The following KDM6B variants were observed in gnomAD, a reference collection of about 807,000 sequenced individuals.
The protein encoded by KDM6B is lysine demethylase 6B.
In KDM6B, 22 loss-of-function variants were observed where a neutral mutation model predicts 150.4. That is an observed-to-expected ratio of 0.15 (90% CI 0.10 to 0.21). The LOEUF is 0.21. Ranked by LOEUF, KDM6B falls within the 10% of genes least tolerant of loss-of-function variation. The pLI, the probability that KDM6B is intolerant of heterozygous loss-of-function variation, is 1.00. For missense variants in KDM6B, 1,984 were observed against 2,234.3 expected, an observed-to-expected ratio of 0.89 and a Z score of 2.26; for synonymous variants, 1,148 against 921.1, an observed-to-expected ratio of 1.25 and a Z score of -4.46.
At chr17:7,842,543 G>C (rs929388891) in intron 2 of KDM6B, among the ~76,000 whole-genome samples, 1 of 152,218 alleles carries the variant, frequency 6.6e-6, no homozygotes, top group African/African-American at 2.4e-5. Context: ...CCGGGAGTCA[G>C]GGAGGGCTAT....
chr17:7,841,948 C>A (rs1365026706), intron 2 of KDM6B, among the ~76,000 whole-genome samples: 1 of 152,214 alleles, frequency 6.6e-6, no homozygotes, highest in Non-Finnish European at 1.5e-5. Flanking sequence ...TTCCACCAGG[C>A]GTGATGAGGA....
intron 21 of KDM6B, 139 bp from the exon 22 acceptor site, chr17:7,852,861 C>A: frequency 1.5e-6 from 2 of 1,316,374 alleles, no homozygotes; most frequent in Non-Finnish European, 2.2e-6. Flanking sequence ...ATGCCCAGGA[C>A]AGAGGATGTG....
intron 1 of KDM6B, among the ~76,000 whole-genome samples, chr17:7,838,914 A>G (rs533623207): frequency 1.1e-4 from 16 of 152,188 alleles, no homozygotes; most frequent in African/African-American, 2.9e-4. Flanking sequence ...CCCTGGGGGC[A>G]GTGTCATCAG....
In KDM6B at chr17:7,850,953, G is replaced by A. The variant is rs1206128613; in HGVS notation, c.3674-68G>A. 2.0e-5 allele frequency: 28 copies of A among 1,383,134 alleles called. No homozygotes were observed. In the Admixed American group the frequency reaches 5.5e-4, roughly 27 times the overall value. The allele number at this position is 1,383,134 out of a possible 1,614,324, so 85.7% of individuals were successfully genotyped here. On this transcript the variant is annotated intron_variant, in intron 14 of 23. Coordinates refer to ENST00000448097, the MANE Select transcript of KDM6B (RefSeq NM_001348716.2). ...GAGCCAGAGGAGTAGGAAGGGAAAGGGTCGATTGGGTCCTCGGTCCCTATC... is the reference window on the plus strand; with the variant it reads ...GAGCCAGAGGAGTAGGAAGGGAAAGAGTCGATTGGGTCCTCGGTCCCTATC...
intron 10 of KDM6B, 44 bp from the exon 11 acceptor site, chr17:7,847,061 A>G: frequency 6.2e-7 from 1 of 1,610,996 alleles, no homozygotes; most frequent in Non-Finnish European, 8.5e-7. Flanking sequence ...TACAAGTCCC[A>G]CGCTCTCTAT....
At position 7,848,964 on chromosome 17, in the gene KDM6B, C is replaced by A. The variant is rs1221214976; in HGVS notation, c.2676C>A (p.Pro892=). ...CGGGCGAAGAGCCAGTCCCGGGCCC[C>A]ATGACCCCCACCCAACCGCCCCCAC... ...RRAGEEPVPG[P]MTPTQPPPPL... The change falls in exon 12 of 24, where the codon CCC becomes CCA. Residue 892 remains proline (P), a synonymous_variant. Coordinates refer to ENST00000448097, the MANE Select transcript of KDM6B (RefSeq NM_001348716.2). The A allele has an allele frequency of 6.3e-7, 1 of 1,577,758 alleles. No individual in the cohort carries two copies. The highest frequency in any genetic ancestry group is 2.3e-5 in the East Asian group (1 of 43,808).
rs138560928 is a variant in KDM6B at position 7,849,645 on chromosome 17, C to T, written c.3357C>T (p.Ile1119=). The change falls in exon 12 of 24, where the codon ATC becomes ATT. Residue 1119 remains isoleucine, a synonymous_variant. Transcript: ENST00000448097. The stretch of plus-strand genomic sequence containing the variant: ...AGAGTGGTGACAAGGAGACCTTTAT[C>T]GCCTCTGAGGTGGAAGAGCGGCGGC... ...KVESGDKETF[I]ASEVEERRLR... The T allele has an allele frequency of 2.9e-5, 46 of 1,611,152 alleles. No individual in the cohort carries two copies. Among genetic ancestry groups the T allele is most frequent in the Admixed American group, 1.2e-4 (7 of 60,020 alleles).
chr17:7,847,520 C>G (rs762471608), intron 11 of KDM6B, 26 bp from the exon 12 acceptor site: 6 of 1,612,352 alleles, frequency 3.7e-6, no homozygotes, highest in Non-Finnish European at 4.2e-6. Flanking sequence ...GAGCAATGCT[C>G]CTACCACCTG....
At chr17:7,846,371 GCC>G in intron 7 of KDM6B, 27 bp from the exon 8 acceptor site, 1 of 1,488,920 alleles carries the variant, frequency 6.7e-7, no homozygotes. Flanking sequence ...CCTGACATCT[GCC>G]CCTGCCCCGT....
Position 7,846,623 on chromosome 17 carries a change from G to A in KDM6B, c.594G>A (p.Lys198=). Residue 198 remains lysine (K), a synonymous_variant, in exon 9 of 24, where the codon AAG becomes AAA. Transcript: ENST00000448097. ...CCAAGCGGGGAGGTCCCCCGGTGAA[G>A]CGAGCTGCTGAACCCCCAGTGGTGC... ...YGAKRGGPPV[K]RAAEPPVVQP... 2 of 1,614,128 alleles carry A rather than the reference G, an allele frequency of 1.2e-6. No homozygotes were observed. The highest frequency in any genetic ancestry group is 1.7e-6 in the Non-Finnish European group (2 of 1,180,010).
Position 7,849,875 on chromosome 17 carries a change from T to C in KDM6B, c.3495T>C (p.Ser1165=). The change falls in exon 13 of 24, where the codon TCT becomes TCC. Residue 1165 remains serine, a synonymous_variant. Coordinates refer to ENST00000448097, the MANE Select transcript of KDM6B (RefSeq NM_001348716.2). ...FRESYLSPAQ[S]VKPKINTEEK... ...AGTCCTACCTTTCCCCTGCCCAGTC[T>C]GTGAAACCGAAGATCAACACTGAGG... is the stretch of plus-strand genomic sequence containing the variant. The C allele has an allele frequency of 6.2e-7, 1 of 1,611,920 alleles. No homozygotes were observed. The highest frequency in any genetic ancestry group is 8.5e-7 in the Non-Finnish European group (1 of 1,179,530).
chr17:7,852,227 C>T lies in KDM6B; in HGVS notation c.4359C>T (p.Arg1453=). Residue 1453 remains arginine, a synonymous_variant, in exon 20 of 24, where the codon CGC becomes CGT. Transcript: ENST00000448097. Reference sequence around the variant, plus strand: ...ATGCATCCAATATTCCTGTGTACCGCTTCGTGCAGCGACCCGGAGACCTCG... The same window carrying T: ...ATGCATCCAATATTCCTGTGTACCGTTTCGTGCAGCGACCCGGAGACCTCG... ...DLYASNIPVY[R]FVQRPGDLVW... The T allele has an allele frequency of 6.2e-7, 1 of 1,614,168 alleles. No individual in the cohort carries two copies. Among genetic ancestry groups the T allele is most frequent in the Non-Finnish European group, 8.5e-7 (1 of 1,180,034 alleles).
chr17:7,835,059 C>T (rs1423179743), intron 1 of KDM6B, among the ~76,000 whole-genome samples: 2 of 152,016 alleles, frequency 1.3e-5, no homozygotes, highest in African/African-American at 2.4e-5. Context: ...GGGATGTGAC[C>T]GTGAAAGTAG....
intron 2 of KDM6B, chr17:7,840,243 T>TGGTGAAG (rs2078394461): frequency 6.6e-6 from 1 of 152,242 alleles, no homozygotes; most frequent in Non-Finnish European, 1.5e-5. Context: ...CACCAGCCTC[T>TGGTGAAG]CCACTACTAC....
Position 7,844,052 on chromosome 17 carries a change from T to A in KDM6B, c.-268-849T>A, listed in dbSNP as rs1365773666. ...GTCGGGCCCCGCCCTCCTCCCTCCC[T>A]CAGGACCCCCCCCCCCGCAGTACAT... On this transcript the variant is annotated intron_variant, in intron 2 of 23. Transcript: ENST00000448097. This position sits in a 1 kb window ranked among gnomAD's most constrained non-coding sequence, Gnocchi z 5.9. Among the ~76,000 whole-genome samples the A allele has an allele frequency of 3.0e-5, 2 of 66,756 alleles. No individual in the cohort carries two copies. Among genetic ancestry groups the A allele is most frequent in the African/African-American group, 1.2e-4 (2 of 17,164 alleles). The allele number at this position is 66,756 out of a possible 152,430, so 43.8% of individuals were successfully genotyped here.
rs771066443 is a variant in KDM6B, at chr17:7,848,506, A to G, written c.2218A>G (p.Thr740Ala). 12 of 1,606,990 alleles carry G rather than the reference A, an allele frequency of 7.5e-6. No individual in the cohort carries two copies. The highest frequency in any genetic ancestry group is 9.3e-6 in the Non-Finnish European group (11 of 1,178,788). The change falls in exon 12 of 24, where the codon ACA (threonine) becomes GCA (alanine). Residue 740 changes from threonine (T) to alanine (A), a missense_variant. Coordinates refer to ENST00000448097, the MANE Select transcript of KDM6B (RefSeq NM_001348716.2). ...TCTGCAGTCTCCTTTCCCCACCGACACAGCCCCCACCACTACTGCTCCTGC... is the reference window on the plus strand; with the variant it reads ...TCTGCAGTCTCCTTTCCCCACCGACGCAGCCCCCACCACTACTGCTCCTGC... ...ASLQSPFPTD[T>A]APTTTAPAVA...
Position 7,846,575 on chromosome 17 carries a change from T to A in KDM6B, c.550-4T>A, listed in dbSNP as rs765346857. 6.2e-6 allele frequency: 10 copies of A among 1,613,908 alleles called. No homozygotes were observed. The highest frequency in any genetic ancestry group is 1.7e-5 in the Admixed American group (1 of 60,000). ...CATTTTCTCTTCTCTCTTTTTGTTC[T>A]CAGCACAAACGGAACTATGGAGCCA... On this transcript the variant is annotated splice_region_variant and splice_polypyrimidine_tract_variant and intron_variant, in intron 8 of 23. Transcript: ENST00000448097.
Position 7,845,917 on chromosome 17 carries a change from C to T in KDM6B, c.183C>T (p.Pro61=), listed in dbSNP as rs1597833828. 3.7e-6 allele frequency: 6 copies of T among 1,614,166 alleles called. No individual in the cohort carries two copies. Among genetic ancestry groups the T allele is most frequent in the Non-Finnish European group, 5.1e-6 (6 of 1,179,972 alleles). The change falls in exon 6 of 24, where the codon CCC becomes CCT. Residue 61 remains proline (P), a synonymous_variant. Coordinates refer to ENST00000448097, the MANE Select transcript of KDM6B (RefSeq NM_001348716.2). ...AGCCCCCGCTTCCTGCTCCCCTACCCCCTTCACATGGCAGTAGTTCTGGGC... is the reference window on the plus strand; with the variant it reads ...AGCCCCCGCTTCCTGCTCCCCTACCTCCTTCACATGGCAGTAGTTCTGGGC... ...IGQPPLPAPL[P]PSHGSSSGHP...
At chr17:7,835,727 A>G (rs1180077120) in intron 1 of KDM6B, among the ~76,000 whole-genome samples, 1 of 151,444 alleles carries the variant, frequency 6.6e-6, no homozygotes, top group African/African-American at 2.4e-5. Flanking sequence ...CCGCACGTGC[A>G]CTCCCACACG....
Sources: allele counts gnomAD v4.1 joint callset (sites outside exome capture counted in the v4.1 genomes callset), GRCh38; gene constraint gnomAD v4.1.1; non-coding constraint Gnocchi (gnomAD v3.1); transcripts MANE v1.5; gene names NCBI Gene and HGNC (gene_info 2026-07-23, HGNC 2026-07-21).